PKP3: variants seen among roughly 807,000 people sequenced by gnomAD.
The protein encoded by PKP3 is plakophilin 3.
Under a neutral mutation model 76.5 loss-of-function variants are expected in PKP3, and 66 were observed. The observed-to-expected ratio is 0.86, with a 90% CI of 0.71 to 1.06. The LOEUF is 1.06. Ranked by LOEUF, PKP3 falls within the 50% of genes least tolerant of loss-of-function variation. The pLI is 0.00. For missense variants in PKP3, 1,338 were observed against 1,141.0 expected, an observed-to-expected ratio of 1.17 and a Z score of -2.49; for synonymous variants, 638 against 516.5, an observed-to-expected ratio of 1.24 and a Z score of -3.19.
At chr11:397,505 A>C in intron 3 of PKP3, 34 bp from the exon 4 acceptor site, 1 of 1,611,874 alleles carries the variant, frequency 6.2e-7, no homozygotes, top group Non-Finnish European at 8.5e-7. Flanking sequence ...CCTGAACCCA[A>C]AGTTAGCCTG....
rs768456611 is a variant in PKP3, at chr11:397,424, C to A, written c.923C>A (p.Thr308Asn). 3.1e-6 allele frequency: 5 copies of A among 1,612,292 alleles called. No homozygotes were observed. Among genetic ancestry groups the A allele is most frequent in the East Asian group, 2.2e-5 (1 of 44,874 alleles). The change falls in exon 3 of 13, where the codon ACC becomes AAC. Residue 308 changes from threonine (T) to asparagine (N), a missense_variant. By Grantham distance (65) the Thr-to-Asn change is moderately conservative. Transcript: ENST00000331563. ...HGFNSYGSHR[T>N]LQRLSSGFDD... Reference sequence around the variant, plus strand: ...TTCAACAGCTACGGTAGCCACCGAACCCTGCAGAGACTCAGCAGCGGGTGA... The same window carrying A: ...TTCAACAGCTACGGTAGCCACCGAAACCTGCAGAGACTCAGCAGCGGGTGA...
chr11:400,250 T>C, intron 6 of PKP3, 84 bp from the exon 7 acceptor site: 1 of 1,415,172 alleles, frequency 7.1e-7, no homozygotes, highest in African/African-American at 1.4e-5. Context: ...GCGCTGGGGA[T>C]GGGCGTGCGA....
In PKP3 at chr11:404,156, G is replaced by T. The variant is rs1309446670; in HGVS notation, c.2270+21G>T. 6.2e-6 allele frequency: 10 copies of T among 1,608,328 alleles called. No individual in the cohort carries two copies. Among genetic ancestry groups the T allele is most frequent in the Non-Finnish European group, 8.5e-6 (10 of 1,176,912 alleles). ...GACAGGTAGGGGCCGACCCAGCCGT[G>T]CAGCAGCCTGGTCAGGGGTCCTCCC... On this transcript the variant is annotated intron_variant, in intron 11 of 12. Transcript: ENST00000331563. This position sits in a 1 kb window ranked among gnomAD's most constrained non-coding sequence, Gnocchi z 4.2.
Position 404,383 on chromosome 11 carries a change from G to T in PKP3, c.2358+60G>T. 1 of 1,522,638 alleles carries T rather than the reference G, an allele frequency of 6.6e-7. No homozygotes were observed. Among genetic ancestry groups the T allele is most frequent in the Non-Finnish European group, 9.1e-7 (1 of 1,098,104 alleles). 94.3% of individuals were successfully genotyped at this position (1,522,638 alleles called of 1,614,324 possible). A position where few individuals can be genotyped will look rare whatever the true frequency, so the allele number is the denominator to read the frequency against. On this transcript the variant is annotated intron_variant, in intron 12 of 12. Coordinates refer to ENST00000331563, the MANE Select transcript of PKP3 (RefSeq NM_007183.4). This position sits in a 1 kb window ranked among gnomAD's most constrained non-coding sequence, Gnocchi z 4.2. ...GGGTGCAGGGCATGGGACGCCGGGG[G>T]AGGGTCAGTGAAGAGGCCCATGGGA...
chr11:403,968 C>CGA lies in PKP3; in HGVS notation c.2106_2107dup (p.Lys703ArgfsTer21). ...CCACGAAGGTGGTGAGCCACCTGAT[C>CGA]GAGAAGCTGCCGGGCAGCGTGGGTG... On this transcript the variant is annotated frameshift_variant, in exon 11 of 13. Coordinates refer to ENST00000331563, the MANE Select transcript of PKP3 (RefSeq NM_007183.4). LOFTEE classifies it high-confidence loss of function. 6.2e-7 allele frequency: 1 copy of CGA among 1,605,264 alleles called. No homozygotes were observed. Among genetic ancestry groups the CGA allele is most frequent in the Non-Finnish European group, 8.5e-7 (1 of 1,175,006 alleles).
Position 396,835 on chromosome 11 carries a change from C to A in PKP3, c.334C>A (p.Pro112Thr). The A allele has an allele frequency of 6.3e-7, 1 of 1,595,300 alleles. No individual in the cohort carries two copies. Among genetic ancestry groups the A allele is most frequent in the Non-Finnish European group, 8.5e-7 (1 of 1,174,568 alleles). Residue 112 changes from proline to threonine, a missense_variant, in exon 3 of 13, where the codon CCG becomes ACG. Transcript: ENST00000331563. ...KTSGFRPIAK[P>T]AYSPASWSSR... ...ACAGGGCTTCCGGCCCATCGCCAAG[C>A]CGGCCTACAGCCCAGCCTCCTGGTC... is the stretch of plus-strand genomic sequence containing the variant.
At position 396,996 on chromosome 11, in the gene PKP3, T is replaced by C; in HGVS notation, c.495T>C (p.His165=). Residue 165 remains histidine, a synonymous_variant, in exon 3 of 13, where the codon CAT becomes CAC. Transcript: ENST00000331563. ...PPMPTRPVSF[H]ERGGVGSRAD... is the part of the protein sequence containing the mutation. ...TGCCCACCAGGCCCGTGTCCTTCCA[T>C]GAGCGCGGTGGGGTTGGGAGCCGGG... is the stretch of plus-strand genomic sequence containing the variant. 1.3e-6 allele frequency: 2 copies of C among 1,598,096 alleles called. No individual in the cohort carries two copies. Among genetic ancestry groups the C allele is most frequent in the Non-Finnish European group, 1.7e-6 (2 of 1,178,028 alleles).
Position 400,342 on chromosome 11 carries a change from G to C in PKP3, c.1457G>C (p.Ser486Thr), listed in dbSNP as rs1847130715. Residue 486 changes from serine (S) to threonine (T), a missense_variant, in exon 7 of 13, where the codon AGC becomes ACC. Transcript: ENST00000331563. Reference sequence around the variant, plus strand: ...TCCACCTCGGTCCCCAGGAACCTCAGCTCAGCCTCTCAGGCCACTCGCCAG... The same window carrying C: ...TCCACCTCGGTCCCCAGGAACCTCACCTCAGCCTCTCAGGCCACTCGCCAG... The part of the protein sequence containing the change: ...YNATGFLRNL[S>T]SASQATRQKM... 1 of 1,549,212 alleles carries C rather than the reference G, an allele frequency of 6.5e-7. No individual in the cohort carries two copies. Among genetic ancestry groups the C allele is most frequent in the Non-Finnish European group, 8.7e-7 (1 of 1,146,360 alleles).
chr11:397,753 C>A (rs890965538), intron 4 of PKP3, 91 bp downstream of exon 4: 47 of 1,304,684 alleles, frequency 3.6e-5, no homozygotes, highest in Non-Finnish European at 4.5e-5. Flanking sequence ...CTGAGCACCC[C>A]TCATGATCCC....
Position 404,842 on chromosome 11 carries a change from G to A in PKP3, c.*273G>A, listed in dbSNP as rs903794150. The A allele has an allele frequency of 1.7e-5, 9 of 524,574 alleles. No homozygotes were observed. Among genetic ancestry groups the A allele is most frequent in the East Asian group, 9.8e-5 (3 of 30,568 alleles). 32.5% of individuals were successfully genotyped at this position (524,574 alleles called of 1,614,324 possible). ...CCCAGTCACATTGGCAGAGGTGGGGGTTGGCTGTGGCCTGGCAGTATCTTG... is the reference window on the plus strand; with the variant it reads ...CCCAGTCACATTGGCAGAGGTGGGGATTGGCTGTGGCCTGGCAGTATCTTG... On this transcript the variant is annotated 3_prime_UTR_variant, in exon 13 of 13. Coordinates refer to ENST00000331563, the MANE Select transcript of PKP3 (RefSeq NM_007183.4). The surrounding 1 kb of genome is among the most constrained non-coding windows in gnomAD (Gnocchi z 4.2).
chr11:394,686 G>C (rs1847023016), intron 1 of PKP3, among the ~76,000 whole-genome samples, 162 bp downstream of exon 1: 1 of 152,190 alleles, frequency 6.6e-6, no homozygotes, highest in Non-Finnish European at 1.5e-5. Context: ...GAGAAGCCAT[G>C]GGTGGGGCTG....
chr11:399,951 C>G lies in PKP3; in HGVS notation c.1274-16C>G, dbSNP rs1310852676. ...TTGGAGGGCAGACGCTGATAGCAGC[C>G]TCCCCCGTCCTCCAGGGATCCTGTG... On this transcript the variant is annotated splice_polypyrimidine_tract_variant and intron_variant, in intron 5 of 12. Transcript: ENST00000331563. The G allele has an allele frequency of 3.8e-6, 6 of 1,582,664 alleles. No individual in the cohort carries two copies. The South Asian group carries it at 6.9e-5, about 18-fold the overall frequency.
rs200054780 is a variant in PKP3 at position 404,319 on chromosome 11, G to A, written c.2354G>A (p.Arg785Gln). The change falls in exon 12 of 13, where the codon CGG becomes CAG. Residue 785 changes from arginine to glutamine, a missense_variant. Physicochemically the swap from Arg to Gln is conservative, Grantham distance 43 (BLOSUM62 1). Coordinates refer to ENST00000331563, the MANE Select transcript of PKP3 (RefSeq NM_007183.4). The surrounding 1 kb of genome is among the most constrained non-coding windows in gnomAD (Gnocchi z 4.2). ...WQYNKLHRDF[R>Q]AKGYRKEDFL... ...TACAACAAGCTCCACCGTGACTTCC[G>A]GGCGGTACGTTTCCCGAGCCCAGGG... 2.6e-5 allele frequency: 42 copies of A among 1,612,028 alleles called. No individual in the cohort carries two copies. The highest frequency in any genetic ancestry group is 1.7e-4 in the African/African-American group (13 of 75,012).
intron 5 of PKP3, among the ~76,000 whole-genome samples, 154 bp from the exon 6 acceptor site, chr11:399,813 A>G (rs550293247): frequency 6.7e-4 from 101 of 151,450 alleles, no homozygotes; most frequent in African/African-American, 2.3e-3. Flanking sequence ...TATCACCTCA[A>G]ATGCCACCCC....
In PKP3 at chr11:397,568, T is replaced by C. The variant is rs1564879360; in HGVS notation, c.974T>C (p.Val325Ala). The change falls in exon 4 of 13, where the codon GTC (valine) becomes GCC (alanine). Residue 325 changes from valine to alanine, a missense_variant. By Grantham distance (64) the Val-to-Ala change is moderately conservative. Transcript: ENST00000331563. ...GATGACATTGACCTGCCCTCAGCAG[T>C]CAAGTACCTCATGGCTTCAGACCCC... ...GFDDIDLPSA[V>A]KYLMASDPNL... 1.9e-6 allele frequency: 3 copies of C among 1,612,092 alleles called. No homozygotes were observed. Among genetic ancestry groups the C allele is most frequent in the Non-Finnish European group, 2.5e-6 (3 of 1,179,550 alleles).
In PKP3 at chr11:396,978, C is replaced by G. The variant is rs375937629; in HGVS notation, c.477C>G (p.Thr159=). ...GGAQPTPPMP[T]RPVSFHERGG... is the part of the protein sequence containing the mutation. ...CCCAGCCCACCCCTCCCATGCCCAC[C>G]AGGCCCGTGTCCTTCCATGAGCGCG... The change falls in exon 3 of 13, where the codon ACC becomes ACG. Residue 159 remains threonine, a synonymous_variant. Coordinates refer to ENST00000331563, the MANE Select transcript of PKP3 (RefSeq NM_007183.4). The G allele has an allele frequency of 2.5e-6, 4 of 1,599,276 alleles. No individual in the cohort carries two copies. The highest frequency in any genetic ancestry group is 3.4e-6 in the Non-Finnish European group (4 of 1,178,828).
rs773899469 is a variant in PKP3 at position 394,299 on chromosome 11, G to A, written c.7G>A (p.Asp3Asn). 20 of 1,513,508 alleles carry A rather than the reference G, an allele frequency of 1.3e-5. No homozygotes were observed. Among genetic ancestry groups the A allele is most frequent in the East Asian group, 2.6e-5 (1 of 37,990 alleles). 93.8% of individuals were successfully genotyped at this position (1,513,508 alleles called of 1,614,324 possible). ...GCCCGGTGGACCTGCCGCCATGCAGGACGGTAACTTCCTGCTGTCGGCCCT... is the reference window on the plus strand; with the variant it reads ...GCCCGGTGGACCTGCCGCCATGCAGAACGGTAACTTCCTGCTGTCGGCCCT... MQDGNFLLSALQP... is the reference protein window; with the variant it reads MQNGNFLLSALQP... Residue 3 changes from aspartate (D) to asparagine (N), a missense_variant, in exon 1 of 13, where the codon GAC becomes AAC. Coordinates refer to ENST00000331563, the MANE Select transcript of PKP3 (RefSeq NM_007183.4).
rs1847136276 is a variant in PKP3, at chr11:400,552, G to A, written c.1584G>A (p.Val528=). 2.0e-6 allele frequency: 3 copies of A among 1,496,030 alleles called. No homozygotes were observed. The highest frequency in any genetic ancestry group is 2.7e-6 in the Non-Finnish European group (3 of 1,130,090). 92.7% of individuals were successfully genotyped at this position (1,496,030 alleles called of 1,614,324 possible). A position where few individuals can be genotyped will look rare whatever the true frequency, so the allele number is the denominator to read the frequency against. The change falls in exon 8 of 13, where the codon GTG becomes GTA. Residue 528 remains valine, a synonymous_variant. Coordinates refer to ENST00000331563, the MANE Select transcript of PKP3 (RefSeq NM_007183.4). ...KCEDKSVENA[V]CVLRNLSYRL... ...GCCCGCAGAGCGTGGAGAACGCGGT[G>A]TGCGTCCTGCGGAACCTGTCCTACC...
Position 394,469 on chromosome 11 carries a change from G to A in PKP3, c.177G>A (p.Gln59=). The change falls in exon 1 of 13, where the codon CAG becomes CAA. Residue 59 remains glutamine (Q), a synonymous_variant. Coordinates refer to ENST00000331563, the MANE Select transcript of PKP3 (RefSeq NM_007183.4). The part of the protein sequence containing the change: ...QVRARLLQLG[Q]QPRHNGAAEP... ...GCGCCCGCCTCTTGCAGCTGGGACA[G>A]CAGCCGCGGCACAACGGGGCCGCTG... 2.1e-6 allele frequency: 3 copies of A among 1,437,454 alleles called. No individual in the cohort carries two copies. The highest frequency in any genetic ancestry group is 1.8e-6 in the Non-Finnish European group (2 of 1,102,112). 89.0% of individuals were successfully genotyped at this position (1,437,454 alleles called of 1,614,324 possible).
Sources: gnomAD v4.1 joint callset for allele counts (sites outside exome capture counted in the v4.1 genomes callset) on GRCh38, gnomAD v4.1.1 for gene constraint, Gnocchi (gnomAD v3.1) non-coding constraint, MANE v1.5 for transcripts, NCBI Gene and HGNC (gene_info 2026-07-23, HGNC 2026-07-21) for gene names.